CAMTA1: variants seen among roughly 807,000 people sequenced by gnomAD.
CAMTA1 encodes calmodulin binding transcription activator 1.
Under a neutral mutation model 170.9 loss-of-function variants are expected in CAMTA1, and 27 were observed. The ratio of observed to expected loss-of-function variants is 0.16; its 90% confidence interval spans 0.12 to 0.22. CAMTA1 has a LOEUF of 0.22. CAMTA1 is among the 10% of genes least tolerant of loss of function. The pLI is 1.00. For synonymous variants in CAMTA1, 833 were observed against 891.5 expected (o/e 0.93, Z 1.17); for missense variants, 1,619 against 2,217.2 (o/e 0.73, Z 5.42).
rs2095701366 is a variant in CAMTA1 at position 7,635,149 on chromosome 1, G to A, written c.511-5251G>A. 6.6e-6 allele frequency among the ~76,000 whole-genome samples: 1 copy of A among 152,142 alleles called. No homozygotes were observed. Among genetic ancestry groups the A allele is most frequent in the Non-Finnish European group, 1.5e-5 (1 of 68,022 alleles). ...AAAGGTCACGATCACTTTGGGGGGT[G>A]ACCCCTAGCATCTCTCATGAAAACT... On this transcript the variant is annotated intron_variant, in intron 6 of 22. Coordinates refer to ENST00000303635, the MANE Select transcript of CAMTA1 (RefSeq NM_015215.4). This position sits in a 1 kb window ranked among gnomAD's most constrained non-coding sequence, Gnocchi z 4.4.
At chr1:6,797,717 C>T (rs934789391) in intron 1 of CAMTA1, among the ~76,000 whole-genome samples, 1 of 152,012 alleles carries the variant, frequency 6.6e-6, no homozygotes, top group African/African-American at 2.4e-5. Context: ...CATAACAACT[C>T]ACAGATCCTG....
chr1:6,875,872 A>G (rs1222406131), intron 3 of CAMTA1, among the ~76,000 whole-genome samples: 2 of 152,260 alleles, frequency 1.3e-5, no homozygotes, highest in African/African-American at 4.8e-5. Flanking sequence ...AAGAAAACAA[A>G]TAGGTCCTTA....
chr1:6,824,194 A>G (rs971048879), intron 2 of CAMTA1, among the ~76,000 whole-genome samples: 1 of 152,218 alleles, frequency 6.6e-6, no homozygotes, highest in African/African-American at 2.4e-5. Context: ...CTTATGTAGC[A>G]TAAAAAGCCT....
intron 6 of CAMTA1, among the ~76,000 whole-genome samples, chr1:7,494,028 G>A (rs1232343057): frequency 2.0e-5 from 3 of 152,060 alleles, no homozygotes; most frequent in Admixed American, 6.5e-5. Context: ...CCACTCCCCC[G>A]TGCATTTTAA....
rs59402168 is a variant in CAMTA1 at position 7,768,113 on chromosome 1, TAA to T, written c.*1639_*1640del. The T allele has an allele frequency of 0.18, 24,375 of 136,108 alleles. 2,048 individuals are homozygous for T. Among genetic ancestry groups the T allele is most frequent in the African/African-American group, 0.2 (7,416 of 36,940 alleles). The allele number at this position is 136,108 out of a possible 1,614,324, so 8.4% of individuals were successfully genotyped here. A position where few individuals can be genotyped will look rare whatever the true frequency, so the allele number is the denominator to read the frequency against. ...CTCCAACAAAGAACACTTAGAATGA[TAA>T]AAAAAAAAAAAAAAAACCTGACAAA... On this transcript the variant is annotated 3_prime_UTR_variant, in exon 23 of 23. Transcript: ENST00000303635.
At chr1:6,824,483 T>TA (rs1384599447) in intron 2 of CAMTA1, among the ~76,000 whole-genome samples, 1 of 152,160 alleles carries the variant, frequency 6.6e-6, no homozygotes, top group Non-Finnish European at 1.5e-5. Context: ...ATTATGTAGA[T>TA]ATGTATATGT....
At position 7,591,962 on chromosome 1, in the gene CAMTA1, G is replaced by A. The variant is rs551437659; in HGVS notation, c.511-48438G>A. ...CACCCAGGCTAGAGTGCAATGGCGGGATCTCAGCTCACTGCAACCTCCGCC... is the reference window on the plus strand; with the variant it reads ...CACCCAGGCTAGAGTGCAATGGCGGAATCTCAGCTCACTGCAACCTCCGCC... On this transcript the variant is annotated intron_variant, in intron 6 of 22. Coordinates refer to ENST00000303635, the MANE Select transcript of CAMTA1 (RefSeq NM_015215.4). Among the ~76,000 whole-genome samples the A allele has an allele frequency of 2.2e-4, 33 of 152,290 alleles. No individual in the cohort carries two copies. In the South Asian group the frequency reaches 6.6e-3, roughly 31 times the overall value.
intron 6 of CAMTA1, among the ~76,000 whole-genome samples, chr1:7,543,209 G>A (rs2094639571): frequency 6.6e-6 from 1 of 152,118 alleles, no homozygotes; most frequent in Admixed American, 6.5e-5. Context: ...CCATCTTCTG[G>A]ATATGCTGTA....
chr1:7,578,861 T>C (rs1387694850), intron 6 of CAMTA1, among the ~76,000 whole-genome samples: 1 of 152,206 alleles, frequency 6.6e-6, no homozygotes, highest in East Asian at 1.9e-4. Context: ...AGTCACTTCC[T>C]ATTAAGTCCC....
chr1:7,112,963 C>T (rs1196413405), intron 4 of CAMTA1, among the ~76,000 whole-genome samples: 1 of 152,230 alleles, frequency 6.6e-6, no homozygotes, highest in Non-Finnish European at 1.5e-5. Flanking sequence ...TTTTCTCATG[C>T]TGCTTCCTTC....
chr1:6,931,448 A>G (rs879407184), intron 3 of CAMTA1, among the ~76,000 whole-genome samples: 13 of 152,128 alleles, frequency 8.5e-5, no homozygotes, highest in Non-Finnish European at 1.8e-4. Flanking sequence ...ACTAAATGGA[A>G]CACACACTTA....
intron 6 of CAMTA1, among the ~76,000 whole-genome samples, chr1:7,531,941 T>A (rs1243261734): frequency 6.6e-6 from 1 of 152,196 alleles, no homozygotes; most frequent in African/African-American, 2.4e-5. Context: ...AGATAGTAAT[T>A]TTTTTCTAAC....
intron 1 of CAMTA1, among the ~76,000 whole-genome samples, chr1:6,812,395 G>C (rs1290631831): frequency 6.6e-6 from 1 of 152,152 alleles, no homozygotes; most frequent in Non-Finnish European, 1.5e-5. Flanking sequence ...ATATGAAAAT[G>C]CTTGTTATAC....
At chr1:7,512,860 A>G (rs2094221216) in intron 6 of CAMTA1, among the ~76,000 whole-genome samples, 1 of 152,192 alleles carries the variant, frequency 6.6e-6, no homozygotes, top group Non-Finnish European at 1.5e-5. Flanking sequence ...AGGACAGGGC[A>G]TCAGGGCAAG....
intron 7 of CAMTA1, among the ~76,000 whole-genome samples, chr1:7,648,325 G>A (rs2095823507): frequency 6.6e-6 from 1 of 151,724 alleles, no homozygotes; most frequent in African/African-American, 2.4e-5. Context: ...CCAGTAGGTG[G>A]AGGTTGCAGT....
At chr1:7,363,931 TAGAG>T (rs1265639244) in intron 5 of CAMTA1, among the ~76,000 whole-genome samples, 16 of 152,274 alleles carry the variant, frequency 1.1e-4, no homozygotes, top group African/African-American at 3.4e-4. Context: ...AGATGCCTGA[TAGAG>T]AGTCACAGAA....
chr1:7,581,007 C>A (rs190738514), intron 6 of CAMTA1, among the ~76,000 whole-genome samples: 24 of 152,344 alleles, frequency 1.6e-4, no homozygotes, highest in Admixed American at 1.4e-3. Context: ...TAGTAAAGTG[C>A]CACCACACAT....
rs1443329587 is a variant in CAMTA1, at chr1:7,463,323, A to T, written c.439-4507A>T. Among the ~76,000 whole-genome samples, 2 of 152,160 alleles carry T rather than the reference A, an allele frequency of 1.3e-5. No individual in the cohort carries two copies. Among genetic ancestry groups the T allele is most frequent in the Non-Finnish European group, 2.9e-5 (2 of 68,024 alleles). ...TCAGACACAGAGACAGGGACAGGCA[A>T]GGGAAACAGAGACAGGGAGAGACAG... On this transcript the variant is annotated intron_variant, in intron 5 of 22. Coordinates refer to ENST00000303635, the MANE Select transcript of CAMTA1 (RefSeq NM_015215.4). The surrounding 1 kb of genome is among the most constrained non-coding windows in gnomAD (Gnocchi z 4.7).
intron 4 of CAMTA1, among the ~76,000 whole-genome samples, chr1:7,202,190 T>C (rs61245459): frequency 0.021 from 3,193 of 152,308 alleles, 51 homozygotes; most frequent in South Asian, 0.073. Flanking sequence ...CAAAAGTCAA[T>C]TGATGACAGC....
Sources: gnomAD v4.1 joint callset for allele counts (sites outside exome capture counted in the v4.1 genomes callset) on GRCh38, gnomAD v4.1.1 for gene constraint, Gnocchi (gnomAD v3.1) non-coding constraint, MANE v1.5 for transcripts, NCBI Gene and HGNC (gene_info 2026-07-23, HGNC 2026-07-21) for gene names.